Variants in SCAI observed in about 807,000 individuals in gnomAD.
SCAI encodes the protein protein SCAI.
A neutral mutation model predicts 92.2 loss-of-function variants in SCAI; 24 were observed. The ratio of observed to expected loss-of-function variants is 0.26; its 90% confidence interval spans 0.19 to 0.37. The LOEUF (loss-of-function observed/expected upper bound fraction) is 0.37. SCAI is among the 10% of genes least tolerant of loss of function. The probability of loss-of-function intolerance (pLI) is 1.00; values close to 1 mark genes in which losing one functional copy is unlikely to be tolerated. For missense variants in SCAI, 450 were observed against 736.2 expected (o/e 0.61, Z 4.50); for synonymous variants, 261 against 258.6 (o/e 1.01, Z -0.09).
chr9:125,077,741 T>C (rs1463456336), intron 2 of SCAI, among the ~76,000 whole-genome samples: 1 of 150,220 alleles, frequency 6.7e-6, no homozygotes, highest in Non-Finnish European at 1.5e-5. Context: ...ATTTTTGAGA[T>C]GGAGTCTTGC....
chr9:125,084,654 G>A (rs1834290586), intron 2 of SCAI, among the ~76,000 whole-genome samples: 1 of 152,108 alleles, frequency 6.6e-6, no homozygotes, highest in Non-Finnish European at 1.5e-5. Context: ...GAACCATATA[G>A]GCCACCTGCA....
intron 17 of SCAI, chr9:124,968,643 T>C (rs575059175): frequency 1.1e-5 from 11 of 1,019,214 alleles, no homozygotes; most frequent in African/African-American, 3.1e-5. Flanking sequence ...TAGTCTTTCA[T>C]AGGTGGTCTC....
chr9:125,038,693 T>C (rs899756775), intron 3 of SCAI, among the ~76,000 whole-genome samples: 1 of 152,236 alleles, frequency 6.6e-6, no homozygotes, highest in African/African-American at 2.4e-5. Flanking sequence ...TTTCTCAGGA[T>C]ACTGAGAGAT....
chr9:124,987,474 G>A (rs1832020077), intron 14 of SCAI, among the ~76,000 whole-genome samples: 1 of 152,010 alleles, frequency 6.6e-6, no homozygotes, highest in African/African-American at 2.4e-5. Context: ...TTCAATCACA[G>A]TATTCCTCTA....
intron 2 of SCAI, among the ~76,000 whole-genome samples, chr9:125,075,243 A>G (rs1237956805): frequency 6.6e-6 from 1 of 152,172 alleles, no homozygotes; most frequent in African/African-American, 2.4e-5. Context: ...GAGGCAGAAA[A>G]TACAATGTAC....
At chr9:125,097,815 G>A (rs920339919) in intron 2 of SCAI, among the ~76,000 whole-genome samples, 8 of 151,514 alleles carry the variant, frequency 5.3e-5, no homozygotes, top group South Asian at 2.1e-4. Context: ...CAGATATTTC[G>A]TGAACCTTCA....
chr9:124,968,907 G>T, intron 17 of SCAI: 17 of 386,006 alleles, frequency 4.4e-5, no homozygotes, highest in South Asian at 4.8e-5. Context: ...TTTCCAAACT[G>T]TAGGAAATCT....
At chr9:124,960,959 A>C (rs1831423797) in intron 17 of SCAI, among the ~76,000 whole-genome samples, 1 of 151,992 alleles carries the variant, frequency 6.6e-6, no homozygotes. Context: ...TCTACAAAAA[A>C]ATTTAAAAAT....
intron 2 of SCAI, among the ~76,000 whole-genome samples, chr9:125,128,760 A>T (rs1835333369): frequency 6.7e-6 from 1 of 149,138 alleles, no homozygotes. Context: ...CTCAAAAAAA[A>T]AAAATAAATA....
chr9:125,000,263 T>C (rs1832328519), intron 12 of SCAI, among the ~76,000 whole-genome samples: 1 of 152,214 alleles, frequency 6.6e-6, no homozygotes, highest in Non-Finnish European at 1.5e-5. Context: ...GGCATCATTA[T>C]TCTAAGTAAT....
At chr9:125,044,183 C>A (rs943580872) in intron 3 of SCAI, among the ~76,000 whole-genome samples, 1 of 152,068 alleles carries the variant, frequency 6.6e-6, no homozygotes, top group South Asian at 2.1e-4. Flanking sequence ...TGGGTAATGA[C>A]GAGCATGGGA....
chr9:125,055,797 G>A (rs540117259), intron 3 of SCAI, 79 bp downstream of exon 3: 73 of 1,229,850 alleles, frequency 5.9e-5, no homozygotes, highest in African/African-American at 1.7e-4. Flanking sequence ...CATAATTTTC[G>A]GAAACTTACC....
At chr9:125,088,602 T>C (rs1588210865) in intron 2 of SCAI, among the ~76,000 whole-genome samples, 1 of 152,164 alleles carries the variant, frequency 6.6e-6, no homozygotes, top group East Asian at 1.9e-4. Flanking sequence ...CAGGTAGTTC[T>C]TTATAGCAAT....
intron 3 of SCAI, among the ~76,000 whole-genome samples, chr9:125,047,481 C>CAAAT (rs1833468074): frequency 6.6e-6 from 1 of 152,194 alleles, no homozygotes; most frequent in African/African-American, 2.4e-5. Context: ...TGGTAACCAT[C>CAAAT]AAATCCCAGG....
chr9:124,955,379 AC>A (rs1831299315), intron 17 of SCAI, among the ~76,000 whole-genome samples: 1 of 152,026 alleles, frequency 6.6e-6, no homozygotes, highest in South Asian at 2.1e-4. Context: ...AGCCTCGACA[AC>A]ATAGCAAGAC....
chr9:125,129,043 A>G (rs1242518528), intron 2 of SCAI, among the ~76,000 whole-genome samples: 2 of 152,006 alleles, frequency 1.3e-5, no homozygotes, highest in Non-Finnish European at 2.9e-5. Flanking sequence ...AGCCTAAGCA[A>G]CAAGAGCAAA....
intron 9 of SCAI, among the ~76,000 whole-genome samples, chr9:125,014,726 C>G (rs1832714394): frequency 6.6e-6 from 1 of 152,174 alleles, no homozygotes; most frequent in African/African-American, 2.4e-5. Context: ...ATCGCCAAGT[C>G]AATCCTAAGC....
In SCAI at chr9:124,949,769, AATGTAAGCTTCATGAAC is replaced by A. The variant is rs1831204161; in HGVS notation, c.*3021_*3037del. 1 of 152,200 alleles carries A rather than the reference AATGTAAGCTTCATGAAC, an allele frequency of 6.6e-6. No homozygotes were observed. Among genetic ancestry groups the A allele is most frequent in the Admixed American group, 6.5e-5 (1 of 15,286 alleles). The allele number at this position is 152,200 out of a possible 1,614,324, so 9.4% of individuals were successfully genotyped here. A position where few individuals can be genotyped will look rare whatever the true frequency, so the allele number is the denominator to read the frequency against. ...TTTATTGCCTTACTCCTTCTACTAG[AATGTAAGCTTCATGAAC>A]ATGAGGATTTTTAAGTCTATTTTGT... On this transcript the variant is annotated 3_prime_UTR_variant, in exon 18 of 18. Transcript: ENST00000336505. This position sits in a 1 kb window ranked among gnomAD's most constrained non-coding sequence, Gnocchi z 4.0.
chr9:125,136,769 CTT>C (rs796469701), intron 2 of SCAI, among the ~76,000 whole-genome samples: 14 of 118,936 alleles, frequency 1.2e-4, no homozygotes, highest in African/African-American at 1.5e-4. Context: ...ACTAATACCA[CTT>C]TTTTTTTTTT....
Sources: allele counts gnomAD v4.1 joint callset (sites outside exome capture counted in the v4.1 genomes callset), GRCh38; gene constraint gnomAD v4.1.1; non-coding constraint Gnocchi (gnomAD v3.1); transcripts MANE v1.5; gene names NCBI Gene and HGNC (gene_info 2026-07-23, HGNC 2026-07-21).